Variants in ATP2B2 observed in about 807,000 individuals in gnomAD.
ATP2B2 encodes the protein ATPase plasma membrane Ca2+ transporting 2.
Under a neutral mutation model 120.0 loss-of-function variants are expected in ATP2B2, and 15 were observed. That is an observed-to-expected ratio of 0.12 (90% CI 0.08 to 0.19). ATP2B2 has a LOEUF of 0.19. Among genes scored for constraint, ATP2B2 ranks in the 10% least tolerant of loss-of-function variants. ATP2B2 has a pLI of 1.00. For synonymous variants in ATP2B2, 694 were observed against 700.3 expected, an observed-to-expected ratio of 0.99 and a Z score of 0.14; for missense variants, 1,045 against 1,719.8, an observed-to-expected ratio of 0.61 and a Z score of 6.94.
At chr3:10,617,319 T>A (rs1194276885) in intron 2 of ATP2B2, among the ~76,000 whole-genome samples, 1 of 152,180 alleles carries the variant, frequency 6.6e-6, no homozygotes, top group Non-Finnish European at 1.5e-5. Context: ...ATCACACATA[T>A]TAAAAGATTC....
intron 3 of ATP2B2, among the ~76,000 whole-genome samples, chr3:10,529,008 G>A (rs2067155990): frequency 6.6e-6 from 1 of 152,206 alleles, no homozygotes; most frequent in South Asian, 2.1e-4. Flanking sequence ...AATAAAGGGG[G>A]TCCAGCACTG....
rs2060445739 is a variant in ATP2B2, at chr3:10,346,827, A to G, written c.2405-690T>C. ...AGGGATGTCCATGGGCACGACAGGA[A>G]TTTGGGTATCAGCATCCATGGGTCT... On this transcript the variant is annotated intron_variant, in intron 16 of 22. Transcript: ENST00000360273. This position sits in a 1 kb window ranked among gnomAD's most constrained non-coding sequence, Gnocchi z 4.1. Among the ~76,000 whole-genome samples the G allele has an allele frequency of 6.6e-6, 1 of 152,154 alleles. No homozygotes were observed. The highest frequency in any genetic ancestry group is 2.4e-5 in the African/African-American group (1 of 41,442).
At chr3:10,530,735 C>G (rs2067194333) in intron 3 of ATP2B2, among the ~76,000 whole-genome samples, 1 of 152,220 alleles carries the variant, frequency 6.6e-6, no homozygotes, top group Non-Finnish European at 1.5e-5. Flanking sequence ...AAAGGGCTCC[C>G]ATCCCCCAGC....
chr3:10,423,436 G>A (rs990397), intron 2 of ATP2B2, among the ~76,000 whole-genome samples: 2 of 152,060 alleles, frequency 1.3e-5, no homozygotes, highest in Admixed American at 6.5e-5. Context: ...CCACAGACAC[G>A]AGGGAAGGGA....
At chr3:10,566,810 C>T (rs764277892) in intron 2 of ATP2B2, among the ~76,000 whole-genome samples, 1 of 152,104 alleles carries the variant, frequency 6.6e-6, no homozygotes, top group African/African-American at 2.4e-5. Context: ...AAGTTCTGAA[C>T]AAAATGAAGG....
intron 2 of ATP2B2, among the ~76,000 whole-genome samples, chr3:10,561,325 GT>G (rs1409749409): frequency 6.6e-6 from 1 of 152,210 alleles, no homozygotes; most frequent in Non-Finnish European, 1.5e-5. Flanking sequence ...GTGGGACGAG[GT>G]GGGGCACAGC....
chr3:10,365,037 C>G lies in ATP2B2; in HGVS notation c.1660-4914G>C, dbSNP rs369824046. ...CATAGGCTCACAGCTGCCTACAAGGCAGGGGCTGCTCTTTCTCTCATTTTA... is the reference window on the plus strand; with the variant it reads ...CATAGGCTCACAGCTGCCTACAAGGGAGGGGCTGCTCTTTCTCTCATTTTA... On this transcript the variant is annotated intron_variant, in intron 12 of 22. Coordinates refer to ENST00000360273, the MANE Select transcript of ATP2B2 (RefSeq NM_001001331.4). 2.6e-5 allele frequency among the ~76,000 whole-genome samples: 4 copies of G among 152,356 alleles called. No homozygotes were observed. In the East Asian group the frequency reaches 5.8e-4, roughly 22 times the overall value.
At chr3:10,401,140 C>A (rs1262152201) in intron 4 of ATP2B2, 62 bp from the exon 5 acceptor site, 1 of 1,599,110 alleles carries the variant, frequency 6.3e-7, no homozygotes, top group Admixed American at 1.7e-5. Context: ...CTGGAACATT[C>A]CCTTAAAGGT....
At chr3:10,692,319 C>CA (rs1396546119) in intron 1 of ATP2B2, among the ~76,000 whole-genome samples, 1 of 152,224 alleles carries the variant, frequency 6.6e-6, no homozygotes, top group Non-Finnish European at 1.5e-5. Context: ...CCTCTCCCCC[C>CA]AACCGTCATT....
rs1436016550 is a variant in ATP2B2, at chr3:10,329,861, C to G, written c.3421-736G>C. On this transcript the variant is annotated intron_variant, in intron 22 of 22. Coordinates refer to ENST00000360273, the MANE Select transcript of ATP2B2 (RefSeq NM_001001331.4). The surrounding 1 kb of genome is among the most constrained non-coding windows in gnomAD (Gnocchi z 5.9). Reference sequence around the variant, plus strand: ...CCGGGAGCCACATGGCACACACAGACAGACACACGGCTACACTTGGAAGCC... The same window carrying G: ...CCGGGAGCCACATGGCACACACAGAGAGACACACGGCTACACTTGGAAGCC... Among the ~76,000 whole-genome samples, 4 of 152,192 alleles carry G rather than the reference C, an allele frequency of 2.6e-5. No individual in the cohort carries two copies. The highest frequency in any genetic ancestry group is 7.2e-5 in the African/African-American group (3 of 41,434).
intron 1 of ATP2B2, among the ~76,000 whole-genome samples, chr3:10,621,931 G>A (rs1169819762): frequency 2.0e-5 from 3 of 152,204 alleles, no homozygotes; most frequent in Admixed American, 6.5e-5. Flanking sequence ...CACACGCAGC[G>A]CCCCATTAAG....
rs562854440 is a variant in ATP2B2, at chr3:10,523,159, C to T, written c.-320+10880G>A. 6.2e-4 allele frequency among the ~76,000 whole-genome samples: 95 copies of T among 152,324 alleles called. 1 individual carries two copies. Among genetic ancestry groups the T allele is most frequent in the African/African-American group, 2.2e-3 (92 of 41,564 alleles). ...CTGGTTTTTATTGTTTAATCCTCCA[C>T]AAGTGTCATATTCCATCCTCATCAC... On this transcript the variant is annotated intron_variant, in intron 3 of 21. Transcript: ENST00000646379.
rs1182183806 is a variant in ATP2B2 at position 10,342,461 on chromosome 3, T to C, written c.2917+291A>G. On this transcript the variant is annotated intron_variant, in intron 19 of 22. Coordinates refer to ENST00000360273, the MANE Select transcript of ATP2B2 (RefSeq NM_001001331.4). The surrounding 1 kb of genome is among the most constrained non-coding windows in gnomAD (Gnocchi z 4.4). ...AGGTGCCTCTGGGGCTGCCATGCAG[T>C]GCTTCAGCACCCGGTCAGGGCCTTG... is the stretch of plus-strand genomic sequence containing the variant. 6.6e-6 allele frequency among the ~76,000 whole-genome samples: 1 copy of C among 152,144 alleles called. No homozygotes were observed. Among genetic ancestry groups the C allele is most frequent in the Non-Finnish European group, 1.5e-5 (1 of 68,012 alleles).
At chr3:10,432,612 G>A (rs1489670088) in intron 2 of ATP2B2, among the ~76,000 whole-genome samples, 2 of 152,238 alleles carry the variant, frequency 1.3e-5, no homozygotes, top group Non-Finnish European at 2.9e-5. Context: ...GATCTCCCAG[G>A]ACTTCAAGAG....
At chr3:10,680,876 G>A (rs1417859122) in intron 1 of ATP2B2, among the ~76,000 whole-genome samples, 2 of 152,118 alleles carry the variant, frequency 1.3e-5, no homozygotes, top group Non-Finnish European at 2.9e-5. Flanking sequence ...GTTGAAATGG[G>A]ATTCTCCATG....
At chr3:10,471,653 A>C (rs1360546934) in intron 1 of ATP2B2, among the ~76,000 whole-genome samples, 1 of 152,110 alleles carries the variant, frequency 6.6e-6, no homozygotes, top group Non-Finnish European at 1.5e-5. Context: ...ATTACCATAA[A>C]AAATGATAGG....
chr3:10,357,115 C>G (rs546582623), intron 14 of ATP2B2, among the ~76,000 whole-genome samples: 1 of 152,124 alleles, frequency 6.6e-6, no homozygotes, highest in African/African-American at 2.4e-5. Flanking sequence ...AGGGCTGTTA[C>G]GTGTCCCTGG....
In ATP2B2 at chr3:10,354,532, G is replaced by A. The variant is rs182793481; in HGVS notation, c.2137-3955C>T. Among the ~76,000 whole-genome samples, 87 of 152,254 alleles carry A rather than the reference G, an allele frequency of 5.7e-4. 2 individuals carry two copies. The East Asian group carries it at 9.7e-3, about 17-fold the overall frequency. On this transcript the variant is annotated intron_variant, in intron 14 of 22. Coordinates refer to ENST00000360273, the MANE Select transcript of ATP2B2 (RefSeq NM_001001331.4). Reference sequence around the variant, plus strand: ...ACAGCCGTTGTCTGTGACTCCGAGGGCTTCAAACACCCCCGGATAACCCGG... The same window carrying A: ...ACAGCCGTTGTCTGTGACTCCGAGGACTTCAAACACCCCCGGATAACCCGG...
chr3:10,619,551 T>C (rs1242337032), intron 2 of ATP2B2, among the ~76,000 whole-genome samples: 1 of 152,218 alleles, frequency 6.6e-6, no homozygotes, highest in Non-Finnish European at 1.5e-5. Flanking sequence ...GTAAGCCAAG[T>C]GCACTTCTCT....
Sources: allele counts gnomAD v4.1 joint callset (sites outside exome capture counted in the v4.1 genomes callset), GRCh38; gene constraint gnomAD v4.1.1; non-coding constraint Gnocchi (gnomAD v3.1); transcripts MANE v1.5; gene names NCBI Gene and HGNC (gene_info 2026-07-23, HGNC 2026-07-21).